NKAIN2: variants seen among roughly 807,000 people sequenced by gnomAD.
NKAIN2 encodes the protein sodium/potassium transporting ATPase interacting 2.
Under a neutral mutation model 32.6 loss-of-function variants are expected in NKAIN2, and 14 were observed. The ratio of observed to expected loss-of-function variants is 0.43; its 90% CI spans 0.28 to 0.67. The LOEUF (loss-of-function observed/expected upper bound fraction) is 0.67, where lower values mean the gene tolerates loss of function less well. Among genes scored for constraint, NKAIN2 ranks in the 30% least tolerant of loss-of-function variants. The probability of loss-of-function intolerance (pLI) is 0.17; values close to 1 mark genes in which losing one functional copy is unlikely to be tolerated. For synonymous variants in NKAIN2, 80 were observed against 87.2 expected (o/e 0.92, Z 0.46); for missense variants, 198 against 258.3 (o/e 0.77, Z 1.60).
chr6:124,534,777 T>C (rs1779654380), intron 3 of NKAIN2, among the ~76,000 whole-genome samples: 1 of 152,182 alleles, frequency 6.6e-6, no homozygotes, highest in Admixed American at 6.5e-5. Flanking sequence ...CCCACATTAA[T>C]ATCTCTCAAC....
chr6:124,257,542 T>C (rs1794007522), intron 1 of NKAIN2, among the ~76,000 whole-genome samples: 1 of 152,194 alleles, frequency 6.6e-6, no homozygotes, highest in African/African-American at 2.4e-5. Context: ...ACTCAATTTT[T>C]CTGAACAATT....
At chr6:124,389,416 G>T (rs1466772766) in intron 3 of NKAIN2, among the ~76,000 whole-genome samples, 2 of 152,046 alleles carry the variant, frequency 1.3e-5, no homozygotes, top group Admixed American at 6.6e-5. Flanking sequence ...ATATTGTTTG[G>T]TTTATTCTGT....
At chr6:124,074,751 C>T (rs1257670372) in intron 1 of NKAIN2, among the ~76,000 whole-genome samples, 7 of 152,174 alleles carry the variant, frequency 4.6e-5, no homozygotes, top group African/African-American at 1.7e-4. Flanking sequence ...TTCAGAGTTA[C>T]ACCCTCTTGG....
chr6:124,726,488 G>A (rs999810739), intron 4 of NKAIN2, among the ~76,000 whole-genome samples: 2 of 150,292 alleles, frequency 1.3e-5, no homozygotes, highest in African/African-American at 2.5e-5. Flanking sequence ...CAGACCTGCA[G>A]CTGAGGGTCC....
intron 3 of NKAIN2, among the ~76,000 whole-genome samples, chr6:124,408,600 C>A (rs972168973): frequency 2.0e-5 from 3 of 152,120 alleles, no homozygotes; most frequent in Admixed American, 1.3e-4. Flanking sequence ...GTTACTGTAG[C>A]CTTGTAGTAA....
chr6:124,663,568 T>C (rs1181641179), intron 4 of NKAIN2, among the ~76,000 whole-genome samples: 1 of 152,174 alleles, frequency 6.6e-6, no homozygotes, highest in Admixed American at 6.5e-5. Context: ...AAAAAACATA[T>C]ATTGAAATTA....
At chr6:124,812,333 A>G (rs558394055) in intron 5 of NKAIN2, among the ~76,000 whole-genome samples, 17 of 152,232 alleles carry the variant, frequency 1.1e-4, no homozygotes, top group African/African-American at 3.9e-4. Context: ...GCTCCAATCA[A>G]TTGCCTTATT....
intron 3 of NKAIN2, among the ~76,000 whole-genome samples, chr6:124,391,818 G>A (rs1421085785): frequency 2.0e-5 from 3 of 152,020 alleles, no homozygotes; most frequent in Non-Finnish European, 2.9e-5. Flanking sequence ...TGAACTCTTC[G>A]ACTTCCCTGT....
chr6:124,443,327 T>C (rs530842116), intron 3 of NKAIN2, among the ~76,000 whole-genome samples: 40 of 152,144 alleles, frequency 2.6e-4, no homozygotes, highest in Non-Finnish European at 4.0e-4. Flanking sequence ...TTCTCCAAGG[T>C]GTCCAGACAA....
chr6:124,563,293 G>C (rs1054936758), intron 3 of NKAIN2, among the ~76,000 whole-genome samples: 1 of 152,096 alleles, frequency 6.6e-6, no homozygotes, highest in African/African-American at 2.4e-5. Context: ...TGAATACCTG[G>C]ATAATTTTTG....
At chr6:124,092,928 C>T (rs1281836602) in intron 1 of NKAIN2, among the ~76,000 whole-genome samples, 1 of 152,066 alleles carries the variant, frequency 6.6e-6, no homozygotes, top group Non-Finnish European at 1.5e-5. Context: ...TTCTCCCCCA[C>T]TGATTTTTCT....
intron 4 of NKAIN2, among the ~76,000 whole-genome samples, chr6:124,782,169 A>T (rs566469030): frequency 6.6e-6 from 1 of 152,282 alleles, no homozygotes; most frequent in Admixed American, 6.5e-5. Context: ...GTTTACGATA[A>T]CATTTTAAAG....
At chr6:124,059,933 G>C (rs1782846429) in intron 1 of NKAIN2, among the ~76,000 whole-genome samples, 1 of 152,136 alleles carries the variant, frequency 6.6e-6, no homozygotes, top group African/African-American at 2.4e-5. Flanking sequence ...TGGAGAAGCA[G>C]AGTACCTTGT....
chr6:124,318,818 G>A (rs1322602985), intron 2 of NKAIN2, among the ~76,000 whole-genome samples: 1 of 151,940 alleles, frequency 6.6e-6, no homozygotes, highest in Non-Finnish European at 1.5e-5. Context: ...AAATTAAAAG[G>A]CCAACCATTG....
intron 1 of NKAIN2, among the ~76,000 whole-genome samples, chr6:124,023,928 T>A (rs905790527): frequency 8.5e-5 from 13 of 152,096 alleles, no homozygotes; most frequent in African/African-American, 2.9e-4. Context: ...AAGGAAAAGA[T>A]AGGATTGATA....
intron 2 of NKAIN2, among the ~76,000 whole-genome samples, chr6:124,341,737 T>C (rs1583077817): frequency 6.6e-6 from 1 of 152,190 alleles, no homozygotes; most frequent in South Asian, 2.1e-4. Flanking sequence ...TCAGAACTTT[T>C]ATCCCTGACA....
intron 4 of NKAIN2, among the ~76,000 whole-genome samples, chr6:124,733,034 A>C (rs10782227): frequency 0.46 from 70,428 of 151,662 alleles, 16,725 homozygotes; most frequent in African/African-American, 0.55. Context: ...CCTTAAGGGC[A>C]TATGTTAACT....
At chr6:124,369,230 C>T (rs1799649576) in intron 3 of NKAIN2, among the ~76,000 whole-genome samples, 1 of 152,046 alleles carries the variant, frequency 6.6e-6, no homozygotes, top group African/African-American at 2.4e-5. Context: ...ATTCTGTCCC[C>T]CATTTTAAAA....
intron 1 of NKAIN2, among the ~76,000 whole-genome samples, chr6:123,859,641 CACAT>C (rs1333036604): frequency 6.6e-6 from 1 of 152,182 alleles, no homozygotes; most frequent in Non-Finnish European, 1.5e-5. Flanking sequence ...GTAACACTCT[CACAT>C]TCATCATGTT....
Sources: allele counts gnomAD v4.1 joint callset (sites outside exome capture counted in the v4.1 genomes callset), GRCh38; gene constraint gnomAD v4.1.1; transcripts MANE v1.5; gene names NCBI Gene and HGNC (gene_info 2026-07-23, HGNC 2026-07-21).